FAM161A: variants seen among roughly 807,000 people sequenced by gnomAD.
FAM161A encodes protein FAM161A.
Under a neutral mutation model 70.9 loss-of-function variants are expected in FAM161A, and 57 were observed. The ratio of observed to expected loss-of-function variants is 0.80; its 90% CI spans 0.65 to 1.00. The LOEUF is 1.00. Among genes scored for constraint, FAM161A ranks in the 50% least tolerant of loss-of-function variants. The pLI, the probability that FAM161A is intolerant of heterozygous loss-of-function variation, is 0.00. For missense variants in FAM161A, 880 were observed against 836.0 expected (o/e 1.05, Z -0.65); for synonymous variants, 299 against 295.7 (o/e 1.01, Z -0.12).
At chr2:61,806,069 T>C in the FAM161A span, among the ~76,000 whole-genome samples, 1 of 152,020 alleles carries the variant, frequency 6.6e-6, no homozygotes, top group Non-Finnish European at 1.5e-5. Flanking sequence ...AATACAAAAA[T>C]TAGCCGGGTG....
the FAM161A span, among the ~76,000 whole-genome samples, chr2:61,803,623 G>A: frequency 6.6e-6 from 1 of 152,190 alleles, no homozygotes. Flanking sequence ...AGATCAGCCT[G>A]GCCAACATGG....
intron 5 of FAM161A, among the ~76,000 whole-genome samples, chr2:61,832,143 G>C (rs1672597547): frequency 1.3e-5 from 2 of 151,672 alleles, no homozygotes; most frequent in Admixed American, 1.3e-4. Flanking sequence ...TACTTGGGAG[G>C]CTGAGGTGGG....
Position 61,842,150 on chromosome 2 carries a change from T to C in FAM161A, c.394A>G (p.Arg132Gly). ...GAAGAGTCACTAAGAGAGTCTTCTC[T>C]GATGACCACTGGCTGAACTTCCTTT... ...HLKEVQPVVI[R>G]EDSLSDSSRS... The change falls in exon 2 of 7, where the codon AGA becomes GGA. Residue 132 changes from arginine to glycine, a missense_variant. Transcript: ENST00000404929. 1 of 1,609,882 alleles carries C rather than the reference T, an allele frequency of 6.2e-7. No individual in the cohort carries two copies. Among genetic ancestry groups the C allele is most frequent in the Non-Finnish European group, 8.5e-7 (1 of 1,176,122 alleles).
chr2:61,816,753 C>T, the FAM161A span, among the ~76,000 whole-genome samples: 1 of 152,192 alleles, frequency 6.6e-6, no homozygotes, highest in Non-Finnish European at 1.5e-5. Context: ...AGGTGTGAGC[C>T]ACGGCCCTGG....
Position 61,851,626 on chromosome 2 carries a change from G to A in FAM161A, c.183+2233C>T, listed in dbSNP as rs552067634. Reference sequence around the variant, plus strand: ...CTGGGAGGAGTGAGATTTTAATTGCGAATTACAGAATACTGCGTTACCTGT... The same window carrying A: ...CTGGGAGGAGTGAGATTTTAATTGCAAATTACAGAATACTGCGTTACCTGT... On this transcript the variant is annotated intron_variant, in intron 1 of 6. Transcript: ENST00000404929. 3.9e-5 allele frequency among the ~76,000 whole-genome samples: 6 copies of A among 152,194 alleles called. No homozygotes were observed. In the South Asian group the frequency reaches 1.0e-3, roughly 26 times the overall value.
chr2:61,825,208 C>T lies in FAM161A; in HGVS notation c.*1247G>A, dbSNP rs2105056109. The stretch of plus-strand genomic sequence containing the variant: ...TTATGATTGGCTTCAAATTTTAAAA[C>T]AAAAATTTGCTTAAAGAAAAAAATA... On this transcript the variant is annotated 3_prime_UTR_variant, in exon 7 of 7. Transcript: ENST00000404929. The T allele has an allele frequency of 2.3e-6, 1 of 435,676 alleles. No homozygotes were observed. Among genetic ancestry groups the T allele is most frequent in the East Asian group, 6.9e-5 (1 of 14,428 alleles). The allele number at this position is 435,676 out of a possible 1,614,324, so 27.0% of individuals were successfully genotyped here. A position where few individuals can be genotyped will look rare whatever the true frequency, so the allele number is the denominator to read the frequency against.
the FAM161A span, among the ~76,000 whole-genome samples, chr2:61,818,569 A>C: frequency 6.6e-6 from 1 of 152,216 alleles, no homozygotes; most frequent in African/African-American, 2.4e-5. Context: ...ATTTAGGACA[A>C]TTTGAGCATA....
downstream of FAM161A, among the ~76,000 whole-genome samples, chr2:61,822,090 T>C (rs1672214575): frequency 6.6e-6 from 1 of 151,614 alleles, no homozygotes; most frequent in South Asian, 2.1e-4. Flanking sequence ...TCTGTGACCC[T>C]GATTATTACT....
intron 5 of FAM161A, among the ~76,000 whole-genome samples, chr2:61,835,031 T>C (rs892361523): frequency 2.0e-5 from 3 of 152,166 alleles, no homozygotes; most frequent in Non-Finnish European, 4.4e-5. Flanking sequence ...AGGCATTATA[T>C]AAAATTATAT....
chr2:61,830,915 C>G (rs1269704134), intron 5 of FAM161A, among the ~76,000 whole-genome samples: 3 of 151,562 alleles, frequency 2.0e-5, no homozygotes, highest in African/African-American at 7.3e-5. Flanking sequence ...TCGAGACCAG[C>G]CTGACCAACA....
intron 5 of FAM161A, among the ~76,000 whole-genome samples, chr2:61,829,522 G>A (rs573993634): frequency 3.3e-5 from 5 of 152,250 alleles, no homozygotes; most frequent in Admixed American, 2.6e-4. Context: ...CAGAGTCTGT[G>A]AATATCAAAA....
chr2:61,852,176 CTT>C (rs574706928), intron 1 of FAM161A, among the ~76,000 whole-genome samples: 1 of 146,044 alleles, frequency 6.8e-6, no homozygotes, highest in African/African-American at 2.5e-5. Context: ...ACTTGGCTTC[CTT>C]TTTTTTTTTG....
At chr2:61,834,464 CCT>C (rs1491546488) in intron 5 of FAM161A, among the ~76,000 whole-genome samples, 1 of 151,536 alleles carries the variant, frequency 6.6e-6, no homozygotes, top group African/African-American at 2.4e-5. Flanking sequence ...CACAATATAC[CCT>C]TTTTTTTTTT....
intron 5 of FAM161A, 163 bp downstream of exon 5, chr2:61,835,847 C>T: frequency 1.5e-6 from 1 of 651,874 alleles, no homozygotes; most frequent in East Asian, 2.7e-5. Context: ...CGGATTTAAG[C>T]AAAATTACTC....
downstream of FAM161A, among the ~76,000 whole-genome samples, chr2:61,820,870 A>G (rs1401007382): frequency 6.6e-6 from 1 of 152,192 alleles, no homozygotes; most frequent in East Asian, 1.9e-4. Flanking sequence ...ACAAAGCTAA[A>G]GCCTCATTTA....
chr2:61,807,056 T>C, the FAM161A span, among the ~76,000 whole-genome samples: 1 of 152,136 alleles, frequency 6.6e-6, no homozygotes, highest in Non-Finnish European at 1.5e-5. Context: ...CTAAATTATC[T>C]AAGATGATTT....
Position 61,839,981 on chromosome 2 carries a change from C to T in FAM161A, c.1023G>A (p.Gln341=), listed in dbSNP as rs1436498696. 2 of 1,614,194 alleles carry T rather than the reference C, an allele frequency of 1.2e-6. No individual in the cohort carries two copies. Among genetic ancestry groups the T allele is most frequent in the Admixed American group, 1.7e-5 (1 of 60,014 alleles). ...TTTTATACTTAAGAAAGTCTCTCAG[C>T]TGCTTTTCCCGGGCTGCTCGCTTCT... ...EEQKRAAREK[Q]LRDFLKYKKK... The change falls in exon 3 of 7, where the codon CAG becomes CAA. Residue 341 remains glutamine, a synonymous_variant. Transcript: ENST00000404929.
At chr2:61,842,915 C>T (rs1673072621) in intron 1 of FAM161A, among the ~76,000 whole-genome samples, 1 of 151,962 alleles carries the variant, frequency 6.6e-6, no homozygotes, top group African/African-American at 2.4e-5. Flanking sequence ...CACAGTGGGG[C>T]AAGACTTTGG....
the FAM161A span, among the ~76,000 whole-genome samples, chr2:61,801,496 CAA>C: frequency 1.6e-5 from 2 of 128,130 alleles, no homozygotes; most frequent in African/African-American, 5.6e-5. Flanking sequence ...GGCTCCGTCT[CAA>C]AAAAAAAAAA....
Sources: gnomAD v4.1 joint callset for allele counts (sites outside exome capture counted in the v4.1 genomes callset) on GRCh38, gnomAD v4.1.1 for gene constraint, MANE v1.5 for transcripts, NCBI Gene and HGNC (gene_info 2026-07-23, HGNC 2026-07-21) for gene names.